Variants in SUZ12 observed in about 807,000 individuals in gnomAD.
SUZ12 encodes the protein SUZ12 polycomb repressive complex 2 subunit.
In SUZ12, 17 loss-of-function variants were observed where a neutral mutation model predicts 87.3. That is an observed-to-expected ratio of 0.19 (90% CI 0.13 to 0.29). The LOEUF (loss-of-function observed/expected upper bound fraction) is 0.29. Ranked by LOEUF, SUZ12 falls within the 10% of genes least tolerant of loss-of-function variation. The pLI is 1.00. For missense variants in SUZ12, 526 were observed against 912.2 expected, an observed-to-expected ratio of 0.58 and a Z score of 5.45; for synonymous variants, 253 against 312.4, an observed-to-expected ratio of 0.81 and a Z score of 2.01.
chr17:31,977,273 C>CATT (rs1163414841), intron 8 of SUZ12, among the ~76,000 whole-genome samples: 1 of 117,340 alleles, frequency 8.5e-6, no homozygotes, highest in Non-Finnish European at 1.8e-5. Context: ...GAGATCCCAT[C>CATT]TTTTTTTTTT....
chr17:31,963,627 A>G (rs76026223), intron 4 of SUZ12, among the ~76,000 whole-genome samples: 12,259 of 148,748 alleles, frequency 0.082, 4 homozygotes, highest in South Asian at 0.2. Flanking sequence ...AGTTCAAGCA[A>G]TTCTCCTGCC....
Position 31,999,453 on chromosome 17 carries a change from A to T in SUZ12, c.*450A>T. 8.6e-6 allele frequency: 2 copies of T among 231,378 alleles called. No individual in the cohort carries two copies. The highest frequency in any genetic ancestry group is 1.2e-4 in the East Asian group (2 of 16,202). 14.3% of individuals were successfully genotyped at this position (231,378 alleles called of 1,614,324 possible). On this transcript the variant is annotated 3_prime_UTR_variant, in exon 16 of 16. Transcript: ENST00000322652. ...CTTCATATGTCAACTACAGAAAAGG[A>T]AAAAAATAGAAATTGAAGGATTTTT...
In SUZ12 at chr17:31,944,136, A is replaced by T. The variant is rs189702468; in HGVS notation, c.387-3481A>T. ...AGTACACATTTATTTTATTATTATT[A>T]TTTTTTTTTGAGATGGAGTTTCGCT... On this transcript the variant is annotated intron_variant, in intron 3 of 15. Coordinates refer to ENST00000322652, the MANE Select transcript of SUZ12 (RefSeq NM_015355.4). Among the ~76,000 whole-genome samples, 1,194 of 151,180 alleles carry T rather than the reference A, an allele frequency of 7.9e-3. 14 individuals are homozygous for T. Among genetic ancestry groups the T allele is most frequent in the African/African-American group, 0.026 (1,090 of 41,228 alleles).
chr17:31,987,063 TTG>T (rs139986249), intron 9 of SUZ12, among the ~76,000 whole-genome samples: 15,594 of 150,400 alleles, frequency 0.1, 958 homozygotes, highest in Middle Eastern at 0.15. Flanking sequence ...TTTTGTTTTT[TTG>T]TTTTTTTGTG....
chr17:31,998,713 G>T lies in SUZ12; in HGVS notation c.1930G>T (p.Gly644Ter). The T allele has an allele frequency of 6.3e-7, 1 of 1,599,160 alleles. No individual in the cohort carries two copies. Among genetic ancestry groups the T allele is most frequent in the South Asian group, 1.1e-5 (1 of 88,144 alleles). ...HACMLFVENY[G>*]QKIIKKNLCR... Reference sequence around the variant, plus strand: ...CTGTATGCTGTTTGTAGAAAATTATGGACAGAAAATAATTAAGAAGAATTT... The same window carrying T: ...CTGTATGCTGTTTGTAGAAAATTATTGACAGAAAATAATTAAGAAGAATTT... The change falls in exon 16 of 16, where the codon GGA becomes TGA. Residue 644 changes from glycine (G) to a stop codon, truncating the protein, a stop_gained. Coordinates refer to ENST00000322652, the MANE Select transcript of SUZ12 (RefSeq NM_015355.4). LOFTEE classifies it high-confidence loss of function.
At chr17:31,938,639 T>G (rs1335849479) in intron 1 of SUZ12, among the ~76,000 whole-genome samples, 1 of 152,254 alleles carries the variant, frequency 6.6e-6, no homozygotes, top group Non-Finnish European at 1.5e-5. Context: ...TTGAAATATC[T>G]AGAGAGGCTT....
chr17:31,978,312 G>A (rs1401133553), intron 8 of SUZ12, among the ~76,000 whole-genome samples: 4 of 152,064 alleles, frequency 2.6e-5, no homozygotes, highest in Non-Finnish European at 4.4e-5. Context: ...GGGTTCAAGC[G>A]ATTCACCTGC....
intron 8 of SUZ12, among the ~76,000 whole-genome samples, chr17:31,977,734 CA>C (rs1908845698): frequency 6.6e-6 from 1 of 152,020 alleles, no homozygotes; most frequent in Admixed American, 6.5e-5. Context: ...ACTAAAAATA[CA>C]AAAATTAGCC....
At chr17:31,978,232 G>A (rs1908874582) in intron 8 of SUZ12, among the ~76,000 whole-genome samples, 3 of 151,834 alleles carry the variant, frequency 2.0e-5, no homozygotes, top group East Asian at 1.9e-4. Flanking sequence ...TTTTTGAGAC[G>A]GACTCTCGCT....
chr17:31,955,270 T>C (rs1169187620), intron 4 of SUZ12, among the ~76,000 whole-genome samples: 2 of 152,046 alleles, frequency 1.3e-5, no homozygotes, highest in African/African-American at 4.8e-5. Context: ...GTCCCACTTA[T>C]TTTATTTTAT....
At chr17:31,958,910 CG>C (rs1375171434) in intron 4 of SUZ12, among the ~76,000 whole-genome samples, 1 of 152,022 alleles carries the variant, frequency 6.6e-6, no homozygotes, top group African/African-American at 2.4e-5. Context: ...TTCATCTACT[CG>C]GGAGGCTGAG....
At chr17:31,959,702 C>A (rs771057345) in intron 4 of SUZ12, among the ~76,000 whole-genome samples, 8 of 152,160 alleles carry the variant, frequency 5.3e-5, no homozygotes, top group Non-Finnish European at 8.8e-5. Context: ...ATCTTGGTCT[C>A]CTCTTGTCAT....
intron 15 of SUZ12, 147 bp downstream of exon 15, chr17:31,997,024 T>C (rs185670623): frequency 3.4e-6 from 2 of 583,346 alleles, no homozygotes; most frequent in Admixed American, 4.3e-5. Context: ...ATTCCAATGT[T>C]TTTTGGTTTG....
rs1910223253 is a variant in SUZ12, at chr17:32,000,884, T to A, written c.*1881T>A. ...AGTGCTTTTCTATATGTACCCTTGA[T>A]AACAGATTTTGAAGAAATCCTGTAA... is the stretch of plus-strand genomic sequence containing the variant. On this transcript the variant is annotated 3_prime_UTR_variant, in exon 16 of 16. Coordinates refer to ENST00000322652, the MANE Select transcript of SUZ12 (RefSeq NM_015355.4). 1 of 221,736 alleles carries A rather than the reference T, an allele frequency of 4.5e-6. No homozygotes were observed. Among genetic ancestry groups the A allele is most frequent in the East Asian group, 6.8e-5 (1 of 14,740 alleles). The allele number at this position is 221,736 out of a possible 1,614,324, so 13.7% of individuals were successfully genotyped here.
chr17:31,965,874 T>C, intron 4 of SUZ12: 1 of 277,766 alleles, frequency 3.6e-6, no homozygotes, highest in Non-Finnish European at 6.8e-6. Context: ...CTGATTTTTT[T>C]CTGCCTTGGT....
At chr17:31,966,410 T>G (rs1052009672) in intron 5 of SUZ12, 2 of 478,720 alleles carry the variant, frequency 4.2e-6, no homozygotes, top group African/African-American at 4.0e-5. Context: ...TGCAATGTTA[T>G]GATCTTGGCT....
At position 31,993,273 on chromosome 17, in the gene SUZ12, A is replaced by C. The variant is rs140872258; in HGVS notation, c.1233A>C (p.Gln411His). Residue 411 changes from glutamine to histidine, a missense_variant, in exon 11 of 16, where the codon CAA becomes CAC. Physicochemically the swap from Gln to His is conservative, Grantham distance 24. Transcript: ENST00000322652. ...AAGAATCATTGACTACAGATCTACAAACAAGAAAAGAAAAGGATACTCCAA... is the reference window on the plus strand; with the variant it reads ...AAGAATCATTGACTACAGATCTACACACAAGAAAAGAAAAGGATACTCCAA... Reference protein sequence around the residue: ...AVKESLTTDLQTRKEKDTPNE... With the variant: ...AVKESLTTDLHTRKEKDTPNE... The C allele has an allele frequency of 1.9e-4, 296 of 1,585,758 alleles. No homozygotes were observed. The African/African-American group carries it at 3.8e-3, about 20-fold the overall frequency.
At chr17:31,964,942 A>G (rs1054543826) in intron 4 of SUZ12, among the ~76,000 whole-genome samples, 1 of 151,956 alleles carries the variant, frequency 6.6e-6, no homozygotes, top group African/African-American at 2.4e-5. Flanking sequence ...AGATTGCGCC[A>G]TTGCACTCCA....
rs552481612 is a variant in SUZ12, at chr17:31,940,233, T to G, written c.275-53T>G. On this transcript the variant is annotated intron_variant, in intron 1 of 15. Coordinates refer to ENST00000322652, the MANE Select transcript of SUZ12 (RefSeq NM_015355.4). ...ATTATAACATGGTCTCGGTTGATAT[T>G]TTTCTGACAAGTAAGTTTAGATCAT... 1.1e-5 allele frequency: 18 copies of G among 1,573,800 alleles called. No individual in the cohort carries two copies. In the African/African-American group the frequency reaches 2.1e-4, roughly 18 times the overall value.
Sources: allele counts gnomAD v4.1 joint callset (sites outside exome capture counted in the v4.1 genomes callset), GRCh38; gene constraint gnomAD v4.1.1; transcripts MANE v1.5; gene names NCBI Gene and HGNC (gene_info 2026-07-23, HGNC 2026-07-21).